IL31RA: variants seen among roughly 807,000 people sequenced by gnomAD.
The protein encoded by IL31RA is interleukin 31 receptor A.
IL31RA carries 66 observed loss-of-function variants against 83.7 expected under a neutral mutation model. The ratio of observed to expected loss-of-function variants is 0.79; its 90% CI spans 0.65 to 0.97. The LOEUF is 0.97. IL31RA is among the 50% of genes least tolerant of loss of function. The pLI is 0.00. For missense variants in IL31RA, 798 were observed against 919.4 expected (o/e 0.87, Z 1.71); for synonymous variants, 325 against 329.0 (o/e 0.99, Z 0.13).
At chr5:55,880,131 T>A (rs1206762294) in intron 4 of IL31RA, among the ~76,000 whole-genome samples, 1 of 152,216 alleles carries the variant, frequency 6.6e-6, no homozygotes, top group East Asian at 1.9e-4. Context: ...CCTAAAAAAA[T>A]ACTTATCAAG....
rs191088751 is a variant in IL31RA at position 55,852,707 on chromosome 5, G to A, written c.63+1074G>A. Among the ~76,000 whole-genome samples, 13 of 152,202 alleles carry A rather than the reference G, an allele frequency of 8.5e-5. 1 individual carries two copies. The East Asian group carries it at 1.5e-3, about 18-fold the overall frequency. The stretch of plus-strand genomic sequence containing the variant: ...GTGGTTTTGTCAGTCCATTACAAAC[G>A]GTTGCAAAATTGTGGTACTAGAAGG... On this transcript the variant is annotated intron_variant, in intron 1 of 14. Coordinates refer to ENST00000652347, the MANE Select transcript of IL31RA (RefSeq NM_139017.7).
intron 7 of IL31RA, among the ~76,000 whole-genome samples, chr5:55,899,475 AT>A (rs1561111586): frequency 6.6e-6 from 1 of 152,196 alleles, no homozygotes; most frequent in Non-Finnish European, 1.5e-5. Context: ...AGGGAGAGGC[AT>A]GGAAATAAAA....
At chr5:55,855,176 A>G (rs1443754146) in intron 1 of IL31RA, among the ~76,000 whole-genome samples, 1 of 151,716 alleles carries the variant, frequency 6.6e-6, no homozygotes, top group Non-Finnish European at 1.5e-5. Flanking sequence ...AGACAGTCTC[A>G]CTCTGCTGCC....
Position 55,865,408 on chromosome 5 carries a change from T to C in IL31RA, c.155-3383T>C, listed in dbSNP as rs536018711. On this transcript the variant is annotated intron_variant, in intron 2 of 14. Coordinates refer to ENST00000652347, the MANE Select transcript of IL31RA (RefSeq NM_139017.7). ...GAAAAGTTGACACAACAGGAAGCCATCTAGCTCTCCCTCACCCTCATTTGT... is the reference window on the plus strand; with the variant it reads ...GAAAAGTTGACACAACAGGAAGCCACCTAGCTCTCCCTCACCCTCATTTGT... 5.3e-5 allele frequency among the ~76,000 whole-genome samples: 8 copies of C among 152,268 alleles called. No individual in the cohort carries two copies. In the South Asian group the frequency reaches 1.7e-3, roughly 32 times the overall value.
At chr5:55,855,777 C>T (rs570559352) in intron 1 of IL31RA, among the ~76,000 whole-genome samples, 2 of 152,306 alleles carry the variant, frequency 1.3e-5, no homozygotes, top group African/African-American at 2.4e-5. Flanking sequence ...GCTTTCTTCT[C>T]GCTGTGTTCC....
chr5:55,909,906 G>T (rs1260648021), intron 11 of IL31RA, among the ~76,000 whole-genome samples: 1 of 152,170 alleles, frequency 6.6e-6, no homozygotes, highest in African/African-American at 2.4e-5. Context: ...GTTTCTCCAT[G>T]TTGGTCAGGC....
chr5:55,859,710 A>C, intron 2 of IL31RA, 111 bp downstream of exon 2: 1 of 815,022 alleles, frequency 1.2e-6, no homozygotes, highest in Non-Finnish European at 2.2e-6. Flanking sequence ...CAGATAGAAA[A>C]GGGGACTTGT....
At chr5:55,879,007 T>A (rs940389092) in intron 4 of IL31RA, among the ~76,000 whole-genome samples, 1 of 152,144 alleles carries the variant, frequency 6.6e-6, no homozygotes, top group East Asian at 1.9e-4. Context: ...TTTCTCCTTA[T>A]GATTTTATAT....
At chr5:55,900,187 G>T in intron 8 of IL31RA, 55 bp downstream of exon 8, 3 of 1,286,198 alleles carry the variant, frequency 2.3e-6, no homozygotes, top group Non-Finnish European at 3.4e-6. Flanking sequence ...ATTGGCCAAG[G>T]AGCAGTCCCT....
At chr5:55,892,082 G>C (rs546378865) in intron 6 of IL31RA, among the ~76,000 whole-genome samples, 2 of 152,092 alleles carry the variant, frequency 1.3e-5, no homozygotes, top group African/African-American at 4.8e-5. Context: ...GCCTGGACAA[G>C]ATATTTTGAG....
rs1000768474 is a variant in IL31RA at position 55,920,634 on chromosome 5, C to T, written c.*3514C>T. On this transcript the variant is annotated 3_prime_UTR_variant, in exon 15 of 15. Transcript: ENST00000652347. ...ACCCTTTGCAGAAAAAATTTGTGGA[C>T]GCCTACCATAACCCACAGACATGAA... Among the ~76,000 whole-genome samples, 41 of 152,146 alleles carry T rather than the reference C, an allele frequency of 2.7e-4. No homozygotes were observed. Among genetic ancestry groups the T allele is most frequent in the African/African-American group, 8.9e-4 (37 of 41,420 alleles).
chr5:55,841,952 A>G, the IL31RA span, among the ~76,000 whole-genome samples: 2 of 151,996 alleles, frequency 1.3e-5, no homozygotes, highest in Non-Finnish European at 2.9e-5. Flanking sequence ...AAAAAAAAAA[A>G]AAAATTTTTT....
chr5:55,914,255 TACCAACTGTAGGTAATA>T (rs1344768795), intron 13 of IL31RA, among the ~76,000 whole-genome samples: 1 of 152,230 alleles, frequency 6.6e-6, no homozygotes, highest in Non-Finnish European at 1.5e-5. Context: ...CAACCTCCGT[TACCAACTGTAGGTAATA>T]ACCAAGCCAC....
At chr5:55,876,355 G>A (rs149862553) in intron 4 of IL31RA, among the ~76,000 whole-genome samples, 87 of 152,236 alleles carry the variant, frequency 5.7e-4, no homozygotes, top group African/African-American at 1.7e-3. Context: ...GCAGTGAGCC[G>A]AGATCATGCC....
In IL31RA at chr5:55,921,685, G is replaced by C. The variant is rs77191689; in HGVS notation, c.*4565G>C. ...GAGCTTGATTTTGTCAATTTATCGG[G>C]AATAGTTAATGAAACTTTATAGTTA... On this transcript the variant is annotated 3_prime_UTR_variant, in exon 15 of 15. Transcript: ENST00000652347. 3.7e-3 allele frequency among the ~76,000 whole-genome samples: 570 copies of C among 152,252 alleles called. 5 individuals are homozygous for C. The highest frequency in any genetic ancestry group is 0.013 in the African/African-American group (551 of 41,524).
At chr5:55,908,753 A>G in intron 11 of IL31RA, 1 of 1,434,572 alleles carries the variant, frequency 7.0e-7, no homozygotes, top group Non-Finnish European at 9.1e-7. Context: ...GAGGAGGAAC[A>G]GACCCTGTCA....
At chr5:55,890,872 C>T (rs533271283) in intron 6 of IL31RA, among the ~76,000 whole-genome samples, 11 of 152,306 alleles carry the variant, frequency 7.2e-5, no homozygotes, top group South Asian at 2.1e-4. Context: ...TTAAGAGCAA[C>T]GCTTCCAGTC....
intron 7 of IL31RA, 85 bp downstream of exon 7, chr5:55,896,514 C>A: frequency 1.2e-6 from 1 of 828,368 alleles, no homozygotes; most frequent in South Asian, 1.4e-5. Flanking sequence ...CCCTTCCATC[C>A]CTTCCATCCT....
intron 1 of IL31RA, chr5:55,853,550 A>G (rs1467267367): frequency 1.9e-6 from 3 of 1,550,926 alleles, no homozygotes; most frequent in Non-Finnish European, 1.7e-6. Context: ...TCTGTGGAAC[A>G]TCCCCTGATA....
Sources: allele counts gnomAD v4.1 joint callset (sites outside exome capture counted in the v4.1 genomes callset), GRCh38; gene constraint gnomAD v4.1.1; transcripts MANE v1.5; gene names NCBI Gene and HGNC (gene_info 2026-07-23, HGNC 2026-07-21).